PPP2CA: variants seen among roughly 807,000 people sequenced by gnomAD.
PPP2CA encodes serine/threonine-protein phosphatase 2A catalytic subunit alpha isoform.
PPP2CA carries 5 observed loss-of-function variants against 38.8 expected under a neutral mutation model. The observed-to-expected ratio is 0.13, with a 90% CI of 0.07 to 0.27. PPP2CA has a LOEUF of 0.27. Among genes scored for constraint, PPP2CA ranks in the 10% least tolerant of loss-of-function variants. The probability of loss-of-function intolerance (pLI) is 1.00; values close to 1 mark genes in which losing one functional copy is unlikely to be tolerated. For missense variants in PPP2CA, 88 were observed against 389.7 expected, an observed-to-expected ratio of 0.23 and a Z score of 6.52; for synonymous variants, 152 against 134.0, an observed-to-expected ratio of 1.13 and a Z score of -0.93.
In PPP2CA at chr5:134,195,551, TC is replaced by T. The variant is rs1761830883; in HGVS notation, c.*2220del. 2 of 152,352 alleles carry T rather than the reference TC, an allele frequency of 1.3e-5. No homozygotes were observed. The highest frequency in any genetic ancestry group is 4.1e-4 in the South Asian group (2 of 4,828). 9.4% of individuals were successfully genotyped at this position (152,352 alleles called of 1,614,324 possible). ...GCATGAGCCACTGTGCCAGGCCTGT[TC>T]TTAGGGAAAGCTTTTTAGGTTTATT... On this transcript the variant is annotated 3_prime_UTR_variant, in exon 7 of 7. Transcript: ENST00000481195.
chr5:134,202,010 A>C lies in PPP2CA; in HGVS notation c.324T>G (p.Arg108=), dbSNP rs573913631. 1.3e-6 allele frequency: 2 copies of C among 1,596,982 alleles called. No individual in the cohort carries two copies. Among genetic ancestry groups the C allele is most frequent in the East Asian group, 4.5e-5 (2 of 44,280 alleles). The part of the protein sequence containing the change: ...TLLVALKVRY[R]ERITILRGNH... ...TCCCTCGAAGAATGGTGATGCGTTCACGGTAACGAACCTAAAACAATAAAA... is the reference window on the plus strand; with the variant it reads ...TCCCTCGAAGAATGGTGATGCGTTCCCGGTAACGAACCTAAAACAATAAAA... Residue 108 remains arginine, a synonymous_variant, in exon 3 of 7, where the codon CGT becomes CGG. Transcript: ENST00000481195.
At chr5:134,202,886 G>C (rs749812863) in intron 2 of PPP2CA, among the ~76,000 whole-genome samples, 24 of 152,148 alleles carry the variant, frequency 1.6e-4, no homozygotes, top group Non-Finnish European at 2.9e-5. Context: ...CCAACACTTG[G>C]TATTATCAAC....
intron 1 of PPP2CA, among the ~76,000 whole-genome samples, chr5:134,218,666 T>C (rs1304678669): frequency 3.1e-5 from 2 of 65,176 alleles, no homozygotes; most frequent in Non-Finnish European, 8.0e-5. Flanking sequence ...TGGTTGTTTC[T>C]TTCTTTTTTT....
Position 134,225,797 on chromosome 5 carries a change from T to A in PPP2CA, c.65A>T (p.Gln22Leu), listed in dbSNP as rs1172854379. The change falls in exon 1 of 7, where the codon CAG (glutamine) becomes CTG (leucine). Residue 22 changes from glutamine (Q) to leucine (L), a missense_variant. By Grantham distance (113) the Gln-to-Leu change is moderately radical. Coordinates refer to ENST00000481195, the MANE Select transcript of PPP2CA (RefSeq NM_002715.4). ...QWIEQLNECK[Q>L]LSESQVKSLC... ...GCTCTTGACCTGGGACTCGGACAGC[T>A]GCTTGCACTCGTTCAGCTGCTCGAT... The A allele has an allele frequency of 6.2e-7, 1 of 1,610,986 alleles. No homozygotes were observed.
chr5:134,203,914 G>C (rs1461155318), intron 2 of PPP2CA, among the ~76,000 whole-genome samples: 2 of 152,108 alleles, frequency 1.3e-5, no homozygotes, highest in East Asian at 3.9e-4. Flanking sequence ...GTCTCACTAG[G>C]TTGCCCAGGC....
At chr5:134,218,397 G>A (rs1044054910) in intron 1 of PPP2CA, among the ~76,000 whole-genome samples, 1 of 152,132 alleles carries the variant, frequency 6.6e-6, no homozygotes, top group East Asian at 1.9e-4. Context: ...TGACCAAAAG[G>A]AAAGATCCTT....
At chr5:134,208,054 TAAATG>T (rs1762120551) in intron 1 of PPP2CA, among the ~76,000 whole-genome samples, 1 of 152,174 alleles carries the variant, frequency 6.6e-6, no homozygotes, top group Non-Finnish European at 1.5e-5. Flanking sequence ...TGAAAATAAC[TAAATG>T]AAATAAGTCC....
rs972515450 is a variant in PPP2CA, at chr5:134,196,516, C to G, written c.*1256G>C. 6.6e-6 allele frequency: 1 copy of G among 152,168 alleles called. No homozygotes were observed. Among genetic ancestry groups the G allele is most frequent in the Non-Finnish European group, 1.5e-5 (1 of 68,008 alleles). 9.4% of individuals were successfully genotyped at this position (152,168 alleles called of 1,614,324 possible). On this transcript the variant is annotated 3_prime_UTR_variant, in exon 7 of 7. Transcript: ENST00000481195. ...AACAATAGTTTTCTATTTGGTTTCACTAGTATCACTCAAAGAACTTGACAC... is the reference window on the plus strand; with the variant it reads ...AACAATAGTTTTCTATTTGGTTTCAGTAGTATCACTCAAAGAACTTGACAC...
intron 2 of PPP2CA, among the ~76,000 whole-genome samples, chr5:134,204,433 CT>C (rs1206942622): frequency 6.6e-6 from 1 of 152,154 alleles, no homozygotes; most frequent in African/African-American, 2.4e-5. Flanking sequence ...TTGGAACTTG[CT>C]TTTTTCGGTT....
At chr5:134,200,278 T>C in intron 5 of PPP2CA, 57 bp downstream of exon 5, 1 of 1,519,280 alleles carries the variant, frequency 6.6e-7, no homozygotes, top group Non-Finnish European at 8.8e-7. Context: ...CTCCCTAATA[T>C]CTTCTTTCCT....
intron 1 of PPP2CA, among the ~76,000 whole-genome samples, chr5:134,208,136 T>C (rs1762122644): frequency 6.6e-6 from 1 of 152,208 alleles, no homozygotes; most frequent in Non-Finnish European, 1.5e-5. Flanking sequence ...AGCAAACAGA[T>C]GGTTATATAC....
intron 6 of PPP2CA, among the ~76,000 whole-genome samples, chr5:134,198,764 C>T (rs1761913256): frequency 6.6e-6 from 1 of 152,146 alleles, no homozygotes; most frequent in African/African-American, 2.4e-5. Flanking sequence ...AGGGGTTTCA[C>T]CATGTTGGTC....
intron 2 of PPP2CA, 132 bp from the exon 3 acceptor site, chr5:134,202,153 G>C (rs1383129334): frequency 2.4e-6 from 2 of 843,346 alleles, no homozygotes; most frequent in South Asian, 2.0e-5. Context: ...ATATCATAGT[G>C]AACCAAAACC....
At chr5:134,208,390 G>A (rs1762128798) in intron 1 of PPP2CA, among the ~76,000 whole-genome samples, 1 of 152,092 alleles carries the variant, frequency 6.6e-6, no homozygotes, top group Non-Finnish European at 1.5e-5. Context: ...AAATCACACC[G>A]ATAAACAGTG....
chr5:134,221,626 G>C (rs948509167), intron 1 of PPP2CA, among the ~76,000 whole-genome samples: 11 of 152,004 alleles, frequency 7.2e-5, no homozygotes, highest in African/African-American at 2.4e-4. Flanking sequence ...AAGACAAAGA[G>C]GAACAACAGT....
intron 6 of PPP2CA, among the ~76,000 whole-genome samples, chr5:134,198,320 G>A (rs374222388): frequency 6.6e-6 from 1 of 151,948 alleles, no homozygotes; most frequent in African/African-American, 2.4e-5. Flanking sequence ...GTGAACCCGG[G>A]AGGCAGAGCT....
At chr5:134,216,311 TG>T (rs1762318309) in intron 1 of PPP2CA, among the ~76,000 whole-genome samples, 1 of 151,040 alleles carries the variant, frequency 6.6e-6, no homozygotes. Context: ...CCAGGGTGGG[TG>T]GATCGCTTGA....
At chr5:134,218,494 C>G (rs1350881509) in intron 1 of PPP2CA, among the ~76,000 whole-genome samples, 2 of 152,144 alleles carry the variant, frequency 1.3e-5, no homozygotes, top group Non-Finnish European at 2.9e-5. Context: ...CACTCCCAAT[C>G]ATTCCTGCAT....
intron 1 of PPP2CA, among the ~76,000 whole-genome samples, chr5:134,218,742 C>A (rs1042155306): frequency 6.6e-6 from 1 of 151,124 alleles, no homozygotes; most frequent in South Asian, 2.1e-4. Context: ...GATCTCGGCT[C>A]ACTGCAACCT....
Sources: gnomAD v4.1 joint callset for allele counts (sites outside exome capture counted in the v4.1 genomes callset) on GRCh38, gnomAD v4.1.1 for gene constraint, MANE v1.5 for transcripts, NCBI Gene and HGNC (gene_info 2026-07-23, HGNC 2026-07-21) for gene names.